SEMA4D: variants seen among roughly 807,000 people sequenced by gnomAD.
The protein encoded by SEMA4D is semaphorin-4D.
SEMA4D carries 22 observed loss-of-function variants against 74.8 expected under a neutral mutation model. The observed-to-expected ratio is 0.29, with a 90% CI of 0.21 to 0.42. The LOEUF is 0.42. SEMA4D is among the 10% of genes least tolerant of loss of function. The pLI is 1.00. For synonymous variants in SEMA4D, 445 were observed against 463.7 expected (o/e 0.96, Z 0.52); for missense variants, 937 against 1,118.4 (o/e 0.84, Z 2.31).
chr9:89,362,224 C>A, exon 19 of SEMA4D: 1 of 1,041,466 alleles, frequency 9.6e-7, no homozygotes, highest in Non-Finnish European at 1.4e-6. Context: ...GGGTTCCAGG[C>A]TTCTCCACTG....
intron 2 of SEMA4D, among the ~76,000 whole-genome samples, chr9:89,435,831 C>A (rs1036158128): frequency 1.3e-5 from 2 of 152,192 alleles, no homozygotes; most frequent in African/African-American, 4.8e-5. Context: ...AAAGGCTGTG[C>A]AAAACAGAGA....
chr9:89,420,000 G>A (rs1334368342), intron 2 of SEMA4D, among the ~76,000 whole-genome samples: 1 of 152,176 alleles, frequency 6.6e-6, no homozygotes, highest in Non-Finnish European at 1.5e-5. Context: ...ACCCAGAACT[G>A]CTCATCCTGT....
At chr9:89,412,173 A>AACACACAC (rs2133951052) in intron 2 of SEMA4D, among the ~76,000 whole-genome samples, 1 of 152,354 alleles carries the variant, frequency 6.6e-6, no homozygotes, top group South Asian at 2.1e-4. Flanking sequence ...GAACAGGAGA[A>AACACACAC]ACACAAACAT....
chr9:89,401,895 T>G (rs1842288574), intron 4 of SEMA4D, among the ~76,000 whole-genome samples: 1 of 152,018 alleles, frequency 6.6e-6, no homozygotes, highest in Non-Finnish European at 1.5e-5. Context: ...TTGCAATCTT[T>G]GATGAGAAGA....
Position 89,483,154 on chromosome 9 carries a change from C to T in SEMA4D, c.-310+14765G>A, listed in dbSNP as rs185347638. Among the ~76,000 whole-genome samples the T allele has an allele frequency of 2.7e-3, 415 of 152,356 alleles. 2 individuals carry two copies. The highest frequency in any genetic ancestry group is 9.6e-3 in the African/African-American group (400 of 41,584). ...GAACTGGAACATGAGGATGGCAGAT[C>T]CCTGCACAGAGAGACCTCAGCCCCA... On this transcript the variant is annotated intron_variant, in intron 1 of 15. Coordinates refer to ENST00000422704, the MANE Select transcript of SEMA4D (RefSeq NM_001371194.2).
At position 89,379,232 on chromosome 9, in the gene SEMA4D, C is replaced by T. The variant is rs764001281; in HGVS notation, c.2061G>A (p.Val687=). 1.2e-6 allele frequency: 2 copies of T among 1,613,992 alleles called. No individual in the cohort carries two copies. The highest frequency in any genetic ancestry group is 4.5e-5 in the East Asian group (2 of 44,872). ...TGATGGCCCCGGAGGAGGTGGCCTGCACGGCTGGGGTTGGGGGAGAAGACC... is the reference window on the plus strand; with the variant it reads ...TGATGGCCCCGGAGGAGGTGGCCTGTACGGCTGGGGTTGGGGGAGAAGACC... ...TQGSSPPTPA[V]QATSSGAITL... The change falls in exon 16 of 16, where the codon GTG becomes GTA. Residue 687 remains valine, a synonymous_variant. Coordinates refer to ENST00000422704, the MANE Select transcript of SEMA4D (RefSeq NM_001371194.2).
intron 16 of SEMA4D, chr9:89,365,407 C>T (rs1695281999): frequency 6.6e-6 from 1 of 152,526 alleles, no homozygotes; most frequent in South Asian, 2.1e-4. Flanking sequence ...GCCTAGCGAC[C>T]CGGCTCCCTG....
At chr9:89,362,014 A>G in exon 19 of SEMA4D, 1 of 348,368 alleles carries the variant, frequency 2.9e-6, no homozygotes, top group South Asian at 4.1e-5. Flanking sequence ...AAGGGGAGTC[A>G]CTGGGACGGT....
At chr9:89,388,614 C>T (rs771077176) in intron 11 of SEMA4D, 22 bp downstream of exon 11, 73 of 1,585,438 alleles carry the variant, frequency 4.6e-5, no homozygotes, top group African/African-American at 6.8e-5. Context: ...AAGCACGGCC[C>T]GCCCCCAGTG....
At chr9:89,362,377 G>C in exon 19 of SEMA4D, 1 of 1,614,066 alleles carries the variant, frequency 6.2e-7, no homozygotes, top group Non-Finnish European at 8.5e-7. Context: ...GGTTGAGGTC[G>C]GTGTCAGGGA....
rs113754315 is a variant in SEMA4D at position 89,434,248 on chromosome 9, C to T, written c.-244+21640G>A. 8.9e-3 allele frequency among the ~76,000 whole-genome samples: 1,352 copies of T among 152,242 alleles called. 10 individuals carry two copies. The highest frequency in any genetic ancestry group is 0.013 in the Non-Finnish European group (887 of 68,018). On this transcript the variant is annotated intron_variant, in intron 2 of 15. Coordinates refer to ENST00000422704, the MANE Select transcript of SEMA4D (RefSeq NM_001371194.2). ...CGATGCATGCTGCCCCCATCCAGCA[C>T]GCGTGTAGGTAGAGGAGGGAGGGGT... is the stretch of plus-strand genomic sequence containing the variant.
At chr9:89,497,767 A>G (rs1377316086) in intron 1 of SEMA4D, among the ~76,000 whole-genome samples, 152 bp downstream of exon 1, 2 of 150,840 alleles carry the variant, frequency 1.3e-5, no homozygotes, top group Non-Finnish European at 3.0e-5. Context: ...GGATCCCAGA[A>G]GGAGGCTCCT....
intron 4 of SEMA4D, among the ~76,000 whole-genome samples, chr9:89,401,584 T>C (rs1397162133): frequency 4.6e-5 from 7 of 152,180 alleles, no homozygotes; most frequent in South Asian, 4.1e-4. Flanking sequence ...GATTTGAGCA[T>C]GAGGTAGGTG....
chr9:89,478,010 A>G (rs1862195645), intron 1 of SEMA4D, among the ~76,000 whole-genome samples: 1 of 152,222 alleles, frequency 6.6e-6, no homozygotes, highest in Non-Finnish European at 1.5e-5. Flanking sequence ...TTATTTCTAC[A>G]GCTTCCCACA....
At chr9:89,462,989 A>AGG (rs1857714892) in intron 1 of SEMA4D, among the ~76,000 whole-genome samples, 13 of 34,118 alleles carry the variant, frequency 3.8e-4, no homozygotes, top group East Asian at 1.5e-3. Context: ...CGAGGGAGAA[A>AGG]GAGAGGCATG....
intron 2 of SEMA4D, among the ~76,000 whole-genome samples, chr9:89,413,441 G>T (rs984341358): frequency 2.0e-5 from 3 of 152,238 alleles, no homozygotes; most frequent in Admixed American, 6.5e-5. Flanking sequence ...TATATATGTG[G>T]ACACATGTAC....
chr9:89,369,028 A>C (rs1834133795), intron 16 of SEMA4D: 1 of 152,246 alleles, frequency 6.6e-6, no homozygotes, highest in African/African-American at 2.4e-5. Context: ...TTTCTGGTGA[A>C]GCTGCCTCAT....
chr9:89,396,915 C>A, intron 5 of SEMA4D, 80 bp from the exon 6 acceptor site: 1 of 1,294,230 alleles, frequency 7.7e-7, no homozygotes. Context: ...CGCCGTTCAT[C>A]TCAGGGGCAC....
rs374675059 is a variant in SEMA4D at position 89,453,958 on chromosome 9, C to T, written c.-244+1930G>A. Among the ~76,000 whole-genome samples the T allele has an allele frequency of 2.6e-3, 394 of 151,210 alleles. 1 individual carries two copies. The highest frequency in any genetic ancestry group is 9.0e-3 in the African/African-American group (370 of 41,176). ...CTGCAAGCTCAGCCTCCCGGGTTCACGCCATTCTCCTGCCTCAGCCTCCTG... is the reference window on the plus strand; with the variant it reads ...CTGCAAGCTCAGCCTCCCGGGTTCATGCCATTCTCCTGCCTCAGCCTCCTG... On this transcript the variant is annotated intron_variant, in intron 2 of 15. Coordinates refer to ENST00000422704, the MANE Select transcript of SEMA4D (RefSeq NM_001371194.2).
Sources: gnomAD v4.1 joint callset for allele counts (sites outside exome capture counted in the v4.1 genomes callset) on GRCh38, gnomAD v4.1.1 for gene constraint, MANE v1.5 for transcripts, NCBI Gene and HGNC (gene_info 2026-07-23, HGNC 2026-07-21) for gene names.